Variants in GRIN2A observed in about 807,000 individuals in gnomAD.
GRIN2A encodes glutamate ionotropic receptor NMDA type subunit 2A.
Under a neutral mutation model 113.4 loss-of-function variants are expected in GRIN2A, and 22 were observed. The ratio of observed to expected loss-of-function variants is 0.19; its 90% confidence interval spans 0.14 to 0.28. The LOEUF (loss-of-function observed/expected upper bound fraction) is 0.28. Ranked by LOEUF, GRIN2A falls within the 10% of genes least tolerant of loss-of-function variation. GRIN2A has a pLI of 1.00. For synonymous variants in GRIN2A, 827 were observed against 738.4 expected (o/e 1.12, Z -1.94); for missense variants, 1,502 against 1,887.0 (o/e 0.80, Z 3.78).
At chr16:10,059,858 A>G (rs1043323065) in intron 2 of GRIN2A, among the ~76,000 whole-genome samples, 6 of 152,198 alleles carry the variant, frequency 3.9e-5, no homozygotes, top group South Asian at 2.1e-4. Flanking sequence ...GGAAACGGAA[A>G]CCACTCCAGG....
At position 9,764,175 on chromosome 16, in the gene GRIN2A, C is replaced by G. The variant is rs2141132948; in HGVS notation, c.3369G>C (p.Glu1123Asp). Residue 1123 changes from glutamate to aspartate, a missense_variant, in exon 13 of 13, where the codon GAG becomes GAC. By Grantham distance (45) the Glu-to-Asp change is conservative. Transcript: ENST00000330684. ...PRDKIYTIDG[E>D]KEPGFHLDPP... ...GATCTAAGTGGAAACCAGGCTCCTTCTCACCATCTATAGTGTAGATCTTGT... is the reference window on the plus strand; with the variant it reads ...GATCTAAGTGGAAACCAGGCTCCTTGTCACCATCTATAGTGTAGATCTTGT... 2 of 1,613,480 alleles carry G rather than the reference C, an allele frequency of 1.2e-6. No homozygotes were observed. Among genetic ancestry groups the G allele is most frequent in the Non-Finnish European group, 1.7e-6 (2 of 1,179,646 alleles).
rs78329263 is a variant in GRIN2A at position 9,760,252 on chromosome 16, G to T, written c.*2897C>A. The T allele has an allele frequency of 3.9e-5, 9 of 228,278 alleles. No individual in the cohort carries two copies. The East Asian group carries it at 5.7e-4, about 14-fold the overall frequency. The allele number at this position is 228,278 out of a possible 1,614,324, so 14.1% of individuals were successfully genotyped here. Reference sequence around the variant, plus strand: ...ATTCTTGTTACTTCTCATACTGTGGGTTCCATTTACCACTGGACGTTACAT... The same window carrying T: ...ATTCTTGTTACTTCTCATACTGTGGTTTCCATTTACCACTGGACGTTACAT... On this transcript the variant is annotated 3_prime_UTR_variant, in exon 13 of 13. Transcript: ENST00000330684.
intron 3 of GRIN2A, among the ~76,000 whole-genome samples, chr16:9,918,594 A>G (rs1456033799): frequency 6.6e-6 from 1 of 152,228 alleles, no homozygotes; most frequent in Non-Finnish European, 1.5e-5. Flanking sequence ...AGCGACTAAC[A>G]TATACGAAGC....
At chr16:10,112,327 G>A in intron 2 of GRIN2A, 2 of 651,396 alleles carry the variant, frequency 3.1e-6, no homozygotes, top group Non-Finnish European at 5.6e-6. Flanking sequence ...ATTGACACTG[G>A]TGTGGATGGA....
intron 2 of GRIN2A, among the ~76,000 whole-genome samples, chr16:10,117,185 GTTGGCTCCAATTC>G (rs1478741320): frequency 6.6e-6 from 1 of 152,270 alleles, no homozygotes; most frequent in South Asian, 2.1e-4. Flanking sequence ...GGCTCTAGTT[GTTGGCTCCAATTC>G]TTGGCTCCAA....
intron 4 of GRIN2A, among the ~76,000 whole-genome samples, chr16:9,869,573 C>A (rs1338195455): frequency 6.6e-6 from 1 of 152,146 alleles, no homozygotes; most frequent in African/African-American, 2.4e-5. Context: ...TGGAGTCAGC[C>A]ACATCTGGAC....
chr16:9,931,285 G>C (rs1312423676), intron 3 of GRIN2A, among the ~76,000 whole-genome samples: 1 of 152,142 alleles, frequency 6.6e-6, no homozygotes, highest in Non-Finnish European at 1.5e-5. Context: ...AGAGCTTGCA[G>C]TGTAACAAGT....
chr16:9,760,446 T>A lies in GRIN2A; in HGVS notation c.*2703A>T, dbSNP rs1226394713. The A allele has an allele frequency of 6.1e-6, 1 of 164,432 alleles. No homozygotes were observed. The highest frequency in any genetic ancestry group is 1.2e-5 in the Non-Finnish European group (1 of 86,170). The allele number at this position is 164,432 out of a possible 1,614,324, so 10.2% of individuals were successfully genotyped here. ...AGTCATTGAATTAGTAGAGAAGGGATACCATAAACTTTGTGTAGCATAACA... is the reference window on the plus strand; with the variant it reads ...AGTCATTGAATTAGTAGAGAAGGGAAACCATAAACTTTGTGTAGCATAACA... On this transcript the variant is annotated 3_prime_UTR_variant, in exon 13 of 13. Coordinates refer to ENST00000330684, the MANE Select transcript of GRIN2A (RefSeq NM_001134407.3).
In GRIN2A at chr16:9,841,088, C is replaced by A. The variant is rs1218196720; in HGVS notation, c.1345G>T (p.Gly449Trp). 3.7e-6 allele frequency: 6 copies of A among 1,613,208 alleles called. No homozygotes were observed. The highest frequency in any genetic ancestry group is 1.7e-5 in the Admixed American group (1 of 59,970). ...TTGCAGCATTTCTTCACATTCATCC[C>A]CTCATTGGTTGAATTGCTGTAAAGA... ...FVKINNSTNEGMNVKKCCKGF... is the reference protein window; with the variant it reads ...FVKINNSTNEWMNVKKCCKGF... The change falls in exon 6 of 13, where the codon GGG (glycine) becomes TGG (tryptophan). Residue 449 changes from glycine to tryptophan, a missense_variant. By Grantham distance (184) the Gly-to-Trp change is radical (BLOSUM62 -2). Transcript: ENST00000330684.
chr16:9,776,789 C>T (rs1030358665), intron 11 of GRIN2A, among the ~76,000 whole-genome samples: 2 of 151,756 alleles, frequency 1.3e-5, no homozygotes, highest in African/African-American at 2.4e-5. Context: ...TTGGGTTTCT[C>T]AGAAGCCCGA....
chr16:9,900,295 GA>G (rs1347564046), intron 3 of GRIN2A, among the ~76,000 whole-genome samples: 1 of 152,170 alleles, frequency 6.6e-6, no homozygotes, highest in Non-Finnish European at 1.5e-5. Context: ...TGATTGTTCA[GA>G]GCTCACAGCA....
intron 11 of GRIN2A, among the ~76,000 whole-genome samples, chr16:9,777,691 A>G (rs1455944452): frequency 6.6e-6 from 1 of 152,190 alleles, no homozygotes; most frequent in Non-Finnish European, 1.5e-5. Context: ...ACATTGCAGG[A>G]TTTCACAGGC....
chr16:9,951,548 T>G (rs1253622142), intron 2 of GRIN2A, among the ~76,000 whole-genome samples: 7 of 152,278 alleles, frequency 4.6e-5, no homozygotes, highest in Non-Finnish European at 7.3e-5. Context: ...CAAGACCCAC[T>G]TGCAGCTCAA....
intron 2 of GRIN2A, among the ~76,000 whole-genome samples, chr16:10,044,022 T>TATATATATATATATATAG (rs531659457): frequency 9.3e-6 from 1 of 108,014 alleles, no homozygotes; most frequent in Non-Finnish European, 1.8e-5. Context: ...TATATATATA[T>TATATATATATATATATAG]AGAGAGAGAG....
chr16:9,946,028 G>A (rs1017695283), intron 2 of GRIN2A, among the ~76,000 whole-genome samples: 2 of 152,070 alleles, frequency 1.3e-5, no homozygotes, highest in Non-Finnish European at 2.9e-5. Flanking sequence ...CTTGATTCTC[G>A]TTGCAGCTGA....
intron 2 of GRIN2A, among the ~76,000 whole-genome samples, chr16:10,092,959 C>A (rs1348972460): frequency 6.6e-6 from 1 of 151,788 alleles, no homozygotes; most frequent in Non-Finnish European, 1.5e-5. Context: ...CTGCCTCAGC[C>A]TCCCAAGTAG....
At chr16:10,038,341 C>T (rs1567252304) in intron 2 of GRIN2A, among the ~76,000 whole-genome samples, 1 of 152,264 alleles carries the variant, frequency 6.6e-6, no homozygotes, top group Non-Finnish European at 1.5e-5. Flanking sequence ...TCTAGGGGGA[C>T]GCTAACATTC....
chr16:9,911,270 T>G (rs2044129468), intron 3 of GRIN2A, among the ~76,000 whole-genome samples: 1 of 152,090 alleles, frequency 6.6e-6, no homozygotes, highest in South Asian at 2.1e-4. Flanking sequence ...GAGAATCACT[T>G]GAGGCCAGGA....
At chr16:10,112,345 T>C (rs2142150474) in intron 2 of GRIN2A, 1 of 652,798 alleles carries the variant, frequency 1.5e-6, no homozygotes, top group Non-Finnish European at 2.8e-6. Context: ...GGACTGCATG[T>C]AGTTATGGGC....
Sources: allele counts gnomAD v4.1 joint callset (sites outside exome capture counted in the v4.1 genomes callset), GRCh38; gene constraint gnomAD v4.1.1; transcripts MANE v1.5; gene names NCBI Gene and HGNC (gene_info 2026-07-23, HGNC 2026-07-21).